HCK: variants seen among roughly 807,000 people sequenced by gnomAD.
The protein encoded by HCK is tyrosine-protein kinase HCK.
In HCK, 40 loss-of-function variants were observed where a neutral mutation model predicts 70.4. That is an observed-to-expected ratio of 0.57 (90% CI 0.44 to 0.74). The LOEUF is 0.74. Ranked by LOEUF, HCK falls within the 30% of genes least tolerant of loss-of-function variation. The pLI, the probability that HCK is intolerant of heterozygous loss-of-function variation, is 0.00. For synonymous variants in HCK, 245 were observed against 263.2 expected (o/e 0.93, Z 0.67); for missense variants, 568 against 697.2 (o/e 0.81, Z 2.09).
At chr20:32,094,777 G>GAAAGAAAGAA (rs879408977) in intron 11 of HCK, among the ~76,000 whole-genome samples, 11 of 102,666 alleles carry the variant, frequency 1.1e-4, no homozygotes, top group South Asian at 3.2e-4. Context: ...AAGAAAGAAA[G>GAAAGAAAGAA]AGAGAGAAAG....
At chr20:32,053,777 A>G (rs942097719) in intron 1 of HCK, among the ~76,000 whole-genome samples, 14 of 152,108 alleles carry the variant, frequency 9.2e-5, no homozygotes, top group African/African-American at 3.4e-4. Context: ...CTACATCAGC[A>G]TCACCTGGAC....
Position 32,088,554 on chromosome 20 carries a change from TC to T in HCK, c.1016-13del. ...GTAAAAGTAGTAAATGTTCCTCCCC[TC>T]TCCCCCATATAGGAAGCTTGCTGGA... On this transcript the variant is annotated splice_polypyrimidine_tract_variant and intron_variant, in intron 9 of 12. Transcript: ENST00000375852. 6.2e-7 allele frequency: 1 copy of T among 1,604,936 alleles called. No individual in the cohort carries two copies. The highest frequency in any genetic ancestry group is 8.5e-7 in the Non-Finnish European group (1 of 1,175,540).
At chr20:32,089,117 C>T (rs1483100052) in intron 10 of HCK, among the ~76,000 whole-genome samples, 2 of 152,212 alleles carry the variant, frequency 1.3e-5, no homozygotes, top group Admixed American at 6.5e-5. Context: ...AGCTGGGTTC[C>T]AAGACAGAGC....
chr20:32,085,889 T>C (rs242610), intron 8 of HCK, among the ~76,000 whole-genome samples: 55,617 of 152,026 alleles, frequency 0.37, 10,985 homozygotes, highest in African/African-American at 0.52. Context: ...CGAGGCTGGG[T>C]CATGTAGGGC....
intron 12 of HCK, 76 bp from the exon 13 acceptor site, chr20:32,101,241 G>A: frequency 7.6e-7 from 1 of 1,323,570 alleles, no homozygotes; most frequent in Non-Finnish European, 1.1e-6. Flanking sequence ...GCCTGCTGGG[G>A]AGGCCACAGG....
intron 1 of HCK, among the ~76,000 whole-genome samples, chr20:32,059,279 T>TCTTCCTTCCTTCCTTC (rs11272727): frequency 0.23 from 32,936 of 145,800 alleles, 4,803 homozygotes; most frequent in East Asian, 0.79. Context: ...AATGTTTTAA[T>TCTTCCTTCCTTCCTTC]CTTCCTTCCT....
intron 8 of HCK, among the ~76,000 whole-genome samples, chr20:32,084,821 G>A (rs2045761086): frequency 6.6e-6 from 1 of 152,212 alleles, no homozygotes; most frequent in Non-Finnish European, 1.5e-5. Context: ...ACGGAGTGGG[G>A]ACTGCCTAAC....
chr20:32,067,802 A>G (rs2045481257), intron 1 of HCK, among the ~76,000 whole-genome samples: 1 of 152,092 alleles, frequency 6.6e-6, no homozygotes, highest in South Asian at 2.1e-4. Context: ...ATGGAGTCAT[A>G]GCTGAGATGT....
At chr20:32,077,192 G>A (rs1480071696) in intron 5 of HCK, among the ~76,000 whole-genome samples, 1 of 152,214 alleles carries the variant, frequency 6.6e-6, no homozygotes, top group Non-Finnish European at 1.5e-5. Context: ...TGCCTCTGGG[G>A]AGCACAACTG....
At chr20:32,068,752 C>T (rs1410770684) in intron 1 of HCK, among the ~76,000 whole-genome samples, 1 of 151,800 alleles carries the variant, frequency 6.6e-6, no homozygotes, top group Non-Finnish European at 1.5e-5. Flanking sequence ...GACCTGCCCC[C>T]CCTCTCTGCC....
chr20:32,073,321 G>C lies in HCK; in HGVS notation c.186G>C (p.Gly62=), dbSNP rs759855346. 6.2e-7 allele frequency: 1 copy of C among 1,611,368 alleles called. No homozygotes were observed. The highest frequency in any genetic ancestry group is 8.5e-7 in the Non-Finnish European group (1 of 1,178,958). Residue 62 remains glycine (G), a splice_region_variant and synonymous_variant, in exon 3 of 13, where the codon GGG becomes GGC. Coordinates refer to ENST00000375852, the MANE Select transcript of HCK (RefSeq NM_002110.5). ...CTTCTCTCATTTCTTCCCCACAGGG[G>C]CCTAATAGCCACAACAGCAACACAC...
At chr20:32,065,834 G>C (rs1346738663) in intron 1 of HCK, among the ~76,000 whole-genome samples, 3 of 152,136 alleles carry the variant, frequency 2.0e-5, no homozygotes, top group Non-Finnish European at 4.4e-5. Flanking sequence ...GGAGAAAGCT[G>C]GTTCTCCAAA....
intron 10 of HCK, among the ~76,000 whole-genome samples, chr20:32,088,951 C>T (rs566289393): frequency 1.3e-5 from 2 of 152,322 alleles, no homozygotes; most frequent in African/African-American, 4.8e-5. Flanking sequence ...TGCCTGGGTT[C>T]AGCTGGGTGG....
chr20:32,088,725 A>T (rs1414962494), intron 10 of HCK, 81 bp downstream of exon 10: 12 of 970,134 alleles, frequency 1.2e-5, no homozygotes, highest in Middle Eastern at 4.2e-4. Flanking sequence ...ACCACATACT[A>T]TGATGATAGC....
At chr20:32,071,975 A>C in intron 2 of HCK, 193 bp downstream of exon 2, 3 of 646,428 alleles carry the variant, frequency 4.6e-6, no homozygotes, top group Non-Finnish European at 7.6e-6. Flanking sequence ...CAAAGAAGTC[A>C]TCTCTCTTTC....
intron 3 of HCK, among the ~76,000 whole-genome samples, 161 bp from the exon 4 acceptor site, chr20:32,073,555 G>A (rs1231534485): frequency 1.3e-5 from 2 of 152,196 alleles, no homozygotes; most frequent in African/African-American, 4.8e-5. Context: ...AACATATTTA[G>A]CTTTAAACTT....
chr20:32,052,792 C>G (rs6061134), intron 1 of HCK, among the ~76,000 whole-genome samples: 7,292 of 76,672 alleles, frequency 0.095, 672 homozygotes, highest in African/African-American at 0.39. Flanking sequence ...TGGGGGGGGG[C>G]GGGGATTTTT....
At chr20:32,095,717 C>G (rs191115740) in intron 11 of HCK, among the ~76,000 whole-genome samples, 1,765 of 152,100 alleles carry the variant, frequency 0.012, 17 homozygotes, top group Non-Finnish European at 0.019. Context: ...CTGAAAGCCA[C>G]GGAATTATAC....
chr20:32,073,060 A>G (rs2045566870), intron 2 of HCK, among the ~76,000 whole-genome samples: 1 of 152,192 alleles, frequency 6.6e-6, no homozygotes, highest in African/African-American at 2.4e-5. Context: ...AGATCACGCC[A>G]CTGCACTCCA....
Sources: gnomAD v4.1 joint callset for allele counts (sites outside exome capture counted in the v4.1 genomes callset) on GRCh38, gnomAD v4.1.1 for gene constraint, MANE v1.5 for transcripts, NCBI Gene and HGNC (gene_info 2026-07-23, HGNC 2026-07-21) for gene names.